GLYATL1: variants seen among roughly 807,000 people sequenced by gnomAD.
The protein encoded by GLYATL1 is glycine N-acyltransferase-like protein 1.
GLYATL1 carries 15 observed loss-of-function variants against 20.0 expected under a neutral mutation model. The ratio of observed to expected loss-of-function variants is 0.75; its 90% CI spans 0.50 to 1.15. The LOEUF is 1.15. Among genes scored for constraint, GLYATL1 ranks in the 50% most tolerant of loss-of-function variants. GLYATL1 has a pLI of 0.00. For missense variants in GLYATL1, 380 were observed against 368.5 expected (o/e 1.03, Z -0.26); for synonymous variants, 151 against 131.5 (o/e 1.15, Z -1.01).
upstream of GLYATL1, among the ~76,000 whole-genome samples, chr11:58,936,810 G>A (rs553595146): frequency 2.0e-5 from 3 of 152,248 alleles, no homozygotes; most frequent in South Asian, 2.1e-4. Flanking sequence ...CTGTGGATCC[G>A]ACACCTTCTC....
At chr11:58,942,640 G>C (rs1856245534) in intron 1 of GLYATL1, 1 of 152,132 alleles carries the variant, frequency 6.6e-6, no homozygotes, top group Non-Finnish European at 1.5e-5. Flanking sequence ...GACATAATGA[G>C]TTTGAGATGG....
intron 1 of GLYATL1, among the ~76,000 whole-genome samples, chr11:58,916,183 T>A (rs1855167238): frequency 1.3e-5 from 2 of 152,228 alleles, no homozygotes; most frequent in African/African-American, 4.8e-5. Context: ...CTGCCTCCTG[T>A]ACTGCCACTT....
chr11:58,907,422 A>G (rs1280118348), exon 2 of GLYATL1: 2 of 455,878 alleles, frequency 4.4e-6, no homozygotes, highest in Non-Finnish European at 8.8e-6. Flanking sequence ...CACCATCTTT[A>G]ATTGCATGAT....
chr11:58,954,826 G>A lies in GLYATL1; in HGVS notation c.243G>A (p.Glu81=), dbSNP rs61749005. The A allele has an allele frequency of 2.5e-6, 4 of 1,612,860 alleles. No homozygotes were observed. The Admixed American group carries it at 6.7e-5, about 27-fold the overall frequency. The part of the protein sequence containing the change: ...YTNVYRMFSK[E]PQKSEEVLKN... ...ACGTATATCGTATGTTCTCCAAAGA[G>A]CCTCAAAAATCAGAAGAAGTTTTGA... The change falls in exon 5 of 7, where the codon GAG becomes GAA. Residue 81 remains glutamate (E), a synonymous_variant. Transcript: ENST00000532726.
In GLYATL1 at chr11:58,954,008, TCA is replaced by T. The variant is rs550201861; in HGVS notation, c.187-761_187-760del. On this transcript the variant is annotated intron_variant, in intron 4 of 6. Transcript: ENST00000532726. Reference sequence around the variant, plus strand: ...ATTACCCAGAGAGCTACCAAAAAATTCAGTTACATCATTCTATTTTGTGGGCT... The same window carrying T: ...ATTACCCAGAGAGCTACCAAAAAATTGTTACATCATTCTATTTTGTGGGCT... 2.1e-3 allele frequency among the ~76,000 whole-genome samples: 313 copies of T among 152,308 alleles called. 1 individual carries two copies. Among genetic ancestry groups the T allele is most frequent in the African/African-American group, 7.1e-3 (294 of 41,556 alleles).
At chr11:58,921,182 C>T (rs1855300210) in intron 1 of GLYATL1, among the ~76,000 whole-genome samples, 1 of 152,214 alleles carries the variant, frequency 6.6e-6, no homozygotes, top group African/African-American at 2.4e-5. Flanking sequence ...CAGCAGAACC[C>T]TGCTGCTCCT....
intron 1 of GLYATL1, among the ~76,000 whole-genome samples, chr11:58,931,972 C>G (rs1013020262): frequency 6.6e-6 from 1 of 151,544 alleles, no homozygotes; most frequent in Non-Finnish European, 1.5e-5. Context: ...ATTAGCCAGG[C>G]GTGGTGGCAT....
chr11:58,944,918 C>T (rs1362331539), intron 2 of GLYATL1, among the ~76,000 whole-genome samples: 1 of 151,370 alleles, frequency 6.6e-6, no homozygotes, highest in African/African-American at 2.4e-5. Flanking sequence ...GTGAAATAAG[C>T]CAGACCCAAA....
At chr11:58,921,474 C>T (rs2135114542) in intron 1 of GLYATL1, among the ~76,000 whole-genome samples, 1 of 152,284 alleles carries the variant, frequency 6.6e-6, no homozygotes, top group Middle Eastern at 3.4e-3. Context: ...TGTCTGGTTC[C>T]TCACAGGGTA....
chr11:58,950,528 A>G (rs1459151982), intron 4 of GLYATL1, among the ~76,000 whole-genome samples: 1 of 152,208 alleles, frequency 6.6e-6, no homozygotes, highest in Non-Finnish European at 1.5e-5. Flanking sequence ...ACAAGCTTCA[A>G]TAAACATCTT....
chr11:58,915,957 G>A (rs1174611217), intron 1 of GLYATL1, among the ~76,000 whole-genome samples: 2 of 152,204 alleles, frequency 1.3e-5, no homozygotes. Context: ...TTTAGGTAAA[G>A]TCACAGGTGG....
At chr11:58,941,629 T>C (rs1385801616) in intron 1 of GLYATL1, among the ~76,000 whole-genome samples, 1 of 152,204 alleles carries the variant, frequency 6.6e-6, no homozygotes, top group East Asian at 1.9e-4. Flanking sequence ...AGGTGGCTTT[T>C]AGGTGAAGAC....
rs1187771539 is a variant in GLYATL1 at position 58,954,824 on chromosome 11, G to A, written c.241G>A (p.Glu81Lys). Reference sequence around the variant, plus strand: ...AAACGTATATCGTATGTTCTCCAAAGAGCCTCAAAAATCAGAAGAAGTTTT... The same window carrying A: ...AAACGTATATCGTATGTTCTCCAAAAAGCCTCAAAAATCAGAAGAAGTTTT... ...YTNVYRMFSK[E>K]PQKSEEVLKN... Residue 81 changes from glutamate to lysine, a missense_variant, in exon 5 of 7, where the codon GAG becomes AAG. Glu to Lys is a moderately conservative substitution (Grantham distance 56, BLOSUM62 1). Transcript: ENST00000532726. 2.5e-6 allele frequency: 4 copies of A among 1,612,988 alleles called. No homozygotes were observed. In the African/African-American group the frequency reaches 5.3e-5, roughly 22 times the overall value.
upstream of GLYATL1, among the ~76,000 whole-genome samples, chr11:58,924,883 G>A (rs1855392042): frequency 6.6e-6 from 1 of 152,222 alleles, no homozygotes; most frequent in Non-Finnish European, 1.5e-5. Context: ...TAAAAGGGCT[G>A]ACAAAAGGCA....
At chr11:58,923,491 T>A (rs1350675345), upstream of GLYATL1, among the ~76,000 whole-genome samples, 1 of 152,216 alleles carries the variant, frequency 6.6e-6, no homozygotes, top group African/African-American at 2.4e-5. Flanking sequence ...GTACTTTCCC[T>A]TTTTCATCTG....
At chr11:58,936,260 C>CG (rs1855830695), upstream of GLYATL1, among the ~76,000 whole-genome samples, 2 of 152,166 alleles carry the variant, frequency 1.3e-5, no homozygotes, top group Non-Finnish European at 2.9e-5. Context: ...GGAAGAGATT[C>CG]ATGATGAGAT....
intron 4 of GLYATL1, among the ~76,000 whole-genome samples, chr11:58,952,892 C>T (rs748518470): frequency 3.9e-5 from 6 of 152,160 alleles, no homozygotes; most frequent in Non-Finnish European, 8.8e-5. Context: ...GAAATTAAAA[C>T]AGAGTTGCCA....
chr11:58,948,839 T>C (rs913068646), intron 4 of GLYATL1, among the ~76,000 whole-genome samples: 24 of 152,214 alleles, frequency 1.6e-4, no homozygotes, highest in African/African-American at 5.5e-4. Context: ...ATGTAGCGGC[T>C]GGATTCCTGA....
chr11:58,912,422 T>C (rs1855067574), downstream of GLYATL1, among the ~76,000 whole-genome samples: 1 of 152,226 alleles, frequency 6.6e-6, no homozygotes, highest in African/African-American at 2.4e-5. Context: ...GTCTGCACTG[T>C]CTTGCCCCTT....
Sources: gnomAD v4.1 joint callset for allele counts (sites outside exome capture counted in the v4.1 genomes callset) on GRCh38, gnomAD v4.1.1 for gene constraint, MANE v1.5 for transcripts, NCBI Gene and HGNC (gene_info 2026-07-23, HGNC 2026-07-21) for gene names.